SAE1: variants seen among roughly 807,000 people sequenced by gnomAD.
The protein encoded by SAE1 is SUMO-activating enzyme subunit 1.
Under a neutral mutation model 40.6 loss-of-function variants are expected in SAE1, and 11 were observed. The ratio of observed to expected loss-of-function variants is 0.27; its 90% CI spans 0.17 to 0.45. SAE1 has a LOEUF of 0.45. Among genes scored for constraint, SAE1 ranks in the 20% least tolerant of loss-of-function variants. SAE1 has a pLI of 1.00. For synonymous variants in SAE1, 155 were observed against 154.3 expected, an observed-to-expected ratio of 1.00 and a Z score of -0.03; for missense variants, 373 against 427.3, an observed-to-expected ratio of 0.87 and a Z score of 1.12.
intron 3 of SAE1, 26 bp from the exon 4 acceptor site, chr19:47,152,872 C>G: frequency 6.2e-7 from 1 of 1,608,358 alleles, no homozygotes; most frequent in South Asian, 1.1e-5. Flanking sequence ...AAAACTCAAA[C>G]CCAGCCAATT....
intron 1 of SAE1, among the ~76,000 whole-genome samples, chr19:47,133,479 G>T (rs997753138): frequency 6.6e-6 from 1 of 152,082 alleles, no homozygotes; most frequent in Non-Finnish European, 1.5e-5. Context: ...CCTGCCTTGG[G>T]CTCCCAAAGT....
At chr19:47,183,635 C>T (rs2123283090) in intron 6 of SAE1, among the ~76,000 whole-genome samples, 1 of 152,240 alleles carries the variant, frequency 6.6e-6, no homozygotes, top group Admixed American at 6.5e-5. Context: ...CCACATCTCC[C>T]CCACTCCCCC....
At chr19:47,141,987 T>G (rs2058224920) in intron 1 of SAE1, among the ~76,000 whole-genome samples, 1 of 152,182 alleles carries the variant, frequency 6.6e-6, no homozygotes, top group Non-Finnish European at 1.5e-5. Context: ...TAAGATATAG[T>G]TGACCTATTC....
At chr19:47,201,994 C>T (rs2058658328) in intron 7 of SAE1, among the ~76,000 whole-genome samples, 1 of 152,092 alleles carries the variant, frequency 6.6e-6, no homozygotes, top group South Asian at 2.1e-4. Context: ...GATGTTACCC[C>T]TGGATGAACA....
chr19:47,202,603 A>G (rs924785192), intron 7 of SAE1, among the ~76,000 whole-genome samples: 2 of 150,700 alleles, frequency 1.3e-5, no homozygotes, highest in African/African-American at 4.9e-5. Context: ...ACCCGTTTAG[A>G]TTGTGCACTT....
chr19:47,203,510 C>T (rs2058667063), intron 7 of SAE1, among the ~76,000 whole-genome samples, 161 bp from the exon 8 acceptor site: 2 of 152,182 alleles, frequency 1.3e-5, no homozygotes, highest in Admixed American at 6.5e-5. Context: ...GCTCAGATTT[C>T]ATTTTCACGC....
At chr19:47,181,859 A>C (rs1172666365) in intron 6 of SAE1, among the ~76,000 whole-genome samples, 1 of 142,260 alleles carries the variant, frequency 7.0e-6, no homozygotes, top group Non-Finnish European at 1.5e-5. Flanking sequence ...GCTGTAGTGC[A>C]GTGGTATGAT....
At position 47,142,212 on chromosome 19, in the gene SAE1, C is replaced by T. The variant is rs372012536; in HGVS notation, c.99-1282C>T. Among the ~76,000 whole-genome samples, 6 of 151,882 alleles carry T rather than the reference C, an allele frequency of 4.0e-5. No homozygotes were observed. In the East Asian group the frequency reaches 9.7e-4, roughly 25 times the overall value. On this transcript the variant is annotated intron_variant, in intron 1 of 8. Transcript: ENST00000270225. ...CAGCCTGAACAACATGGTGAAACTC[C>T]GTCTGTACCAAAAATACAAAAACTA... is the stretch of plus-strand genomic sequence containing the variant.
chr19:47,193,825 CAAAA>C (rs1174941973), intron 6 of SAE1, among the ~76,000 whole-genome samples: 2 of 87,810 alleles, frequency 2.3e-5, no homozygotes, highest in Admixed American at 2.5e-4. Flanking sequence ...AAGATTGTCT[CAAAA>C]AAAAAAAAAA....
intron 2 of SAE1, among the ~76,000 whole-genome samples, chr19:47,148,374 T>C (rs1240294187): frequency 3.3e-5 from 5 of 151,876 alleles, no homozygotes; most frequent in Non-Finnish European, 7.4e-5. Flanking sequence ...TGAGGGGAGA[T>C]TACTTCTGTT....
intron 6 of SAE1, among the ~76,000 whole-genome samples, chr19:47,186,586 A>G (rs1455288155): frequency 6.6e-6 from 1 of 152,104 alleles, no homozygotes; most frequent in Non-Finnish European, 1.5e-5. Context: ...TTAATTTGGT[A>G]AGCAAAAAAT....
At chr19:47,199,457 A>G (rs1488931924) in intron 7 of SAE1, among the ~76,000 whole-genome samples, 5 of 151,662 alleles carry the variant, frequency 3.3e-5, no homozygotes, top group African/African-American at 9.7e-5. Context: ...AGACTGAGAC[A>G]TGGAAAAGCG....
At chr19:47,140,841 A>G (rs1165375809) in intron 1 of SAE1, among the ~76,000 whole-genome samples, 1 of 151,920 alleles carries the variant, frequency 6.6e-6, no homozygotes, top group Non-Finnish European at 1.5e-5. Flanking sequence ...ATGGCAGTTG[A>G]GTATTTAATT....
At chr19:47,185,373 C>CG (rs771863293) in intron 6 of SAE1, among the ~76,000 whole-genome samples, 17 of 151,506 alleles carry the variant, frequency 1.1e-4, no homozygotes, top group Non-Finnish European at 1.6e-4. Context: ...GGTGGTGTGT[C>CG]GGCTCACTGC....
intron 5 of SAE1, among the ~76,000 whole-genome samples, chr19:47,155,606 T>A (rs2058317812): frequency 6.6e-6 from 1 of 151,578 alleles, no homozygotes; most frequent in African/African-American, 2.4e-5. Flanking sequence ...CCTGGCTAAT[T>A]TTTTTTTGTA....
rs746795886 is a variant in SAE1, at chr19:47,197,216, C to T, written c.734-17C>T. 4 of 1,576,330 alleles carry T rather than the reference C, an allele frequency of 2.5e-6. No homozygotes were observed. The highest frequency in any genetic ancestry group is 2.0e-5 in the Admixed American group (1 of 50,812). ...AAAAAGTGGCTTTATAACCTGCCTT[C>T]TTTTTCTTATTCCCAGTGCTCTTAA... is the stretch of plus-strand genomic sequence containing the variant. On this transcript the variant is annotated splice_polypyrimidine_tract_variant and intron_variant, in intron 6 of 8. Transcript: ENST00000270225.
chr19:47,144,779 T>C (rs570870717), intron 2 of SAE1, among the ~76,000 whole-genome samples: 2 of 152,330 alleles, frequency 1.3e-5, no homozygotes, highest in Admixed American at 6.5e-5. Flanking sequence ...TGTATAGTGC[T>C]TGAACCTAAC....
intron 6 of SAE1, among the ~76,000 whole-genome samples, chr19:47,191,326 AAAG>A (rs771773534): frequency 3.3e-5 from 5 of 152,338 alleles, no homozygotes; most frequent in South Asian, 2.1e-4. Flanking sequence ...TCTCAAAAAA[AAAG>A]AAGAAAAACA....
chr19:47,145,936 GTT>G (rs11321351), intron 2 of SAE1, among the ~76,000 whole-genome samples: 244 of 129,820 alleles, frequency 1.9e-3, no homozygotes, highest in South Asian at 3.1e-3. Flanking sequence ...CATTCTCAAG[GTT>G]TTTTTTTTTT....
Sources: gnomAD v4.1 joint callset for allele counts (sites outside exome capture counted in the v4.1 genomes callset) on GRCh38, gnomAD v4.1.1 for gene constraint, MANE v1.5 for transcripts, NCBI Gene and HGNC (gene_info 2026-07-23, HGNC 2026-07-21) for gene names.